Variants in LRRC53 observed in about 807,000 individuals in gnomAD.
The protein encoded by LRRC53 is leucine rich repeat containing 53, also known as leucine-rich repeat-containing protein 53.
A neutral mutation model predicts 13.6 loss-of-function variants in LRRC53; 25 were observed. That is an observed-to-expected ratio of 1.83 (90% confidence interval 1.34 to 2.56). The LOEUF (loss-of-function observed/expected upper bound fraction) is 2.56. Ranked by LOEUF, LRRC53 falls within the 30% of genes most tolerant of loss-of-function variation. The probability of loss-of-function intolerance (pLI) is 0.00; values close to 1 mark genes in which losing one functional copy is unlikely to be tolerated. For missense variants in LRRC53, 527 were observed against 275.8 expected, an observed-to-expected ratio of 1.91 and a Z score of -6.45; for synonymous variants, 204 against 109.8, an observed-to-expected ratio of 1.86 and a Z score of -5.37.
intron 1 of LRRC53, among the ~76,000 whole-genome samples, chr1:74,488,693 G>C (rs144892164): frequency 2.0e-5 from 3 of 152,222 alleles, no homozygotes; most frequent in African/African-American, 7.2e-5. Flanking sequence ...AAGGTAAAAA[G>C]CTTACCTTAA....
upstream of LRRC53, among the ~76,000 whole-genome samples, chr1:74,515,744 C>A (rs1646339930): frequency 6.6e-6 from 1 of 152,150 alleles, no homozygotes; most frequent in African/African-American, 2.4e-5. Context: ...CTGGCAATGA[C>A]ATTCAAGTAG....
chr1:74,515,910 T>C (rs928633061), upstream of LRRC53, among the ~76,000 whole-genome samples: 3 of 152,204 alleles, frequency 2.0e-5, no homozygotes, highest in Non-Finnish European at 4.4e-5. Flanking sequence ...ATAGTGCCAG[T>C]TTACCTCCTG....
the LRRC53 span, among the ~76,000 whole-genome samples, chr1:74,518,192 G>T: frequency 6.6e-6 from 1 of 151,960 alleles, no homozygotes; most frequent in Non-Finnish European, 1.5e-5. Flanking sequence ...AGATGGAGAG[G>T]GTTTGCTGAT....
intron 3 of LRRC53, among the ~76,000 whole-genome samples, chr1:74,477,209 A>G (rs1668248369): frequency 1.3e-5 from 2 of 152,166 alleles, no homozygotes; most frequent in East Asian, 3.8e-4. Flanking sequence ...TTTAACTCAT[A>G]TGGGTAAGAA....
chr1:74,494,735 C>T (rs1385724178), intron 1 of LRRC53, among the ~76,000 whole-genome samples: 11 of 152,174 alleles, frequency 7.2e-5, no homozygotes, highest in Admixed American at 7.2e-4. Flanking sequence ...AGCTCAATGA[C>T]CTTGTCAAGT....
intron 1 of LRRC53, among the ~76,000 whole-genome samples, chr1:74,509,657 G>A (rs1670076638): frequency 6.8e-6 from 1 of 146,278 alleles, no homozygotes; most frequent in Non-Finnish European, 1.5e-5. Flanking sequence ...TGTTGTTTTT[G>A]TCATGTCATA....
chr1:74,499,410 T>A (rs2100334288), intron 1 of LRRC53, among the ~76,000 whole-genome samples: 1 of 152,322 alleles, frequency 6.6e-6, no homozygotes, highest in South Asian at 2.1e-4. Flanking sequence ...AGATTATAAA[T>A]ATGAGCCACT....
At chr1:74,499,290 C>T (rs1034222221) in intron 1 of LRRC53, among the ~76,000 whole-genome samples, 17 of 152,244 alleles carry the variant, frequency 1.1e-4, no homozygotes, top group South Asian at 4.1e-4. Flanking sequence ...TACAGGCATG[C>T]GCCACCATGC....
chr1:74,511,741 A>G (rs953567), intron 1 of LRRC53, among the ~76,000 whole-genome samples: 65,178 of 151,530 alleles, frequency 0.43, 14,527 homozygotes, highest in East Asian at 0.79. Context: ...TGTGAGCCTG[A>G]GAAGAGTCAA....
intron 1 of LRRC53, among the ~76,000 whole-genome samples, chr1:74,495,030 T>G (rs1669257423): frequency 6.6e-6 from 1 of 152,168 alleles, no homozygotes; most frequent in African/African-American, 2.4e-5. Flanking sequence ...CACTACTAAT[T>G]TTTCAAAAAA....
upstream of LRRC53, among the ~76,000 whole-genome samples, chr1:74,517,128 C>T (rs565021685): frequency 6.6e-6 from 1 of 152,226 alleles, no homozygotes; most frequent in South Asian, 2.1e-4. Flanking sequence ...TTATGTATTA[C>T]ACAAATCATT....
Position 74,471,777 on chromosome 1 carries a change from C to T in LRRC53, c.1845G>A (p.Met615Ile). 1 of 420,094 alleles carries T rather than the reference C, an allele frequency of 2.4e-6. No homozygotes were observed. The highest frequency in any genetic ancestry group is 4.2e-6 in the Non-Finnish European group (1 of 238,062). 26.0% of individuals were successfully genotyped at this position (420,094 alleles called of 1,614,324 possible). A position where few individuals can be genotyped will look rare whatever the true frequency, so the allele number is the denominator to read the frequency against. Residue 615 changes from methionine (M) to isoleucine (I), a missense_variant, in exon 5 of 5, where the codon ATG becomes ATA. Met to Ile is a conservative substitution (Grantham distance 10). Coordinates refer to ENST00000294635, the MANE Select transcript of LRRC53 (RefSeq NM_001382280.1). ...QINSAIEKFL[M>I]SEDNIDLSGL... ...CTGATAAATCTATGTTGTCCTCACT[C>T]ATAAGAAATTTTTCTATTGCACTGT...
At chr1:74,521,688 G>A in the LRRC53 span, among the ~76,000 whole-genome samples, 14 of 152,250 alleles carry the variant, frequency 9.2e-5, no homozygotes, top group South Asian at 2.1e-4. Flanking sequence ...CGCTATTCTC[G>A]CAGAGTTGGT....
chr1:74,498,616 G>A (rs527691699), intron 1 of LRRC53, among the ~76,000 whole-genome samples: 1 of 152,152 alleles, frequency 6.6e-6, no homozygotes, highest in East Asian at 1.9e-4. Context: ...CAATTTAAGT[G>A]AGTAAAACTC....
intron 1 of LRRC53, among the ~76,000 whole-genome samples, chr1:74,505,667 T>C (rs2100358151): frequency 6.6e-6 from 1 of 152,330 alleles, no homozygotes; most frequent in East Asian, 1.9e-4. Context: ...GCAGGAATTT[T>C]CTTGTAAAAA....
At position 74,480,922 on chromosome 1, in the gene LRRC53, G is replaced by C. The variant is rs1436053314; in HGVS notation, c.135C>G (p.Leu45=). The C allele has an allele frequency of 1.4e-6, 1 of 717,218 alleles. No individual in the cohort carries two copies. The highest frequency in any genetic ancestry group is 2.7e-5 in the East Asian group (1 of 37,286). 44.4% of individuals were successfully genotyped at this position (717,218 alleles called of 1,614,324 possible). A position where few individuals can be genotyped will look rare whatever the true frequency, so the allele number is the denominator to read the frequency against. The part of the protein sequence containing the change: ...TRVLIITDGY[L]SSIESTNLSL... ...ACAGGTTTGTGCTCTCAATAGAGGA[G>C]AGATATCCATCGGTGATGATTAAAA... Residue 45 remains leucine, a synonymous_variant, in exon 3 of 5, where the codon CTC becomes CTG. Coordinates refer to ENST00000294635, the MANE Select transcript of LRRC53 (RefSeq NM_001382280.1).
intron 1 of LRRC53, among the ~76,000 whole-genome samples, chr1:74,484,064 A>C (rs984037997): frequency 1.3e-5 from 2 of 152,142 alleles, no homozygotes; most frequent in South Asian, 2.1e-4. Flanking sequence ...GAGTATTATA[A>C]GAGTTAAATG....
chr1:74,508,745 A>C (rs1374419539), intron 1 of LRRC53, among the ~76,000 whole-genome samples: 1 of 152,208 alleles, frequency 6.6e-6, no homozygotes. Context: ...TGCTGATAAC[A>C]TAAGTGGGAG....
chr1:74,503,248 A>G (rs1669726553), intron 1 of LRRC53, among the ~76,000 whole-genome samples: 1 of 152,214 alleles, frequency 6.6e-6, no homozygotes, highest in South Asian at 2.1e-4. Context: ...GCATAAATAC[A>G]ATAGGGAATC....
Sources: allele counts gnomAD v4.1 joint callset (sites outside exome capture counted in the v4.1 genomes callset), GRCh38; gene constraint gnomAD v4.1.1; transcripts MANE v1.5; gene names NCBI Gene and HGNC (gene_info 2026-07-23, HGNC 2026-07-21).